MAD1L1: variants seen among roughly 807,000 people sequenced by gnomAD.
The protein encoded by MAD1L1 is mitotic arrest deficient 1 like 1.
MAD1L1 carries 95 observed loss-of-function variants against 96.9 expected under a neutral mutation model. The observed-to-expected ratio is 0.98, with a 90% confidence interval of 0.83 to 1.16. The LOEUF (loss-of-function observed/expected upper bound fraction) is 1.16, where lower values mean the gene tolerates loss of function less well. Among genes scored for constraint, MAD1L1 ranks in the 50% most tolerant of loss-of-function variants. MAD1L1 has a pLI of 0.00. For missense variants in MAD1L1, 1,007 were observed against 954.4 expected (o/e 1.06, Z -0.73); for synonymous variants, 473 against 396.6 (o/e 1.19, Z -2.29).
chr7:2,225,618 G>A, intron 3 of MAD1L1, 68 bp from the exon 4 acceptor site: 2 of 1,545,374 alleles, frequency 1.3e-6, no homozygotes, highest in Non-Finnish European at 1.8e-6. Context: ...GAGTGACTCA[G>A]TGCAGCAGAC....
intron 12 of MAD1L1, among the ~76,000 whole-genome samples, chr7:2,060,441 A>T (rs559702444): frequency 2.7e-5 from 4 of 149,790 alleles, no homozygotes; most frequent in Middle Eastern, 3.5e-3. Context: ...ATGCTGAGAT[A>T]ACGCCGATGC....
chr7:1,988,983 C>G (rs771491501), intron 14 of MAD1L1, among the ~76,000 whole-genome samples: 3 of 152,264 alleles, frequency 2.0e-5, no homozygotes, highest in Non-Finnish European at 4.4e-5. Flanking sequence ...GGCTGCCTCA[C>G]AGGAGCCCCT....
chr7:2,026,515 G>A (rs1406204313), intron 12 of MAD1L1, among the ~76,000 whole-genome samples: 1 of 152,166 alleles, frequency 6.6e-6, no homozygotes, highest in Non-Finnish European at 1.5e-5. Flanking sequence ...AGTGTGTATG[G>A]GCCATTTACA....
chr7:2,190,394 C>G (rs924392924), intron 10 of MAD1L1, among the ~76,000 whole-genome samples: 16 of 152,250 alleles, frequency 1.1e-4, no homozygotes, highest in African/African-American at 3.9e-4. Context: ...AAAGTTAAAG[C>G]TAGAAAGTTT....
chr7:1,818,461 C>G (rs1245464249), intron 18 of MAD1L1, among the ~76,000 whole-genome samples: 1 of 152,132 alleles, frequency 6.6e-6, no homozygotes, highest in South Asian at 2.1e-4. Context: ...ACGGGTCACT[C>G]AGCCTCGAGC....
At chr7:1,915,369 G>A (rs1318650643) in intron 17 of MAD1L1, among the ~76,000 whole-genome samples, 1 of 152,220 alleles carries the variant, frequency 6.6e-6, no homozygotes, top group Non-Finnish European at 1.5e-5. Flanking sequence ...GCACCTGGCT[G>A]GGAAGGAGAC....
chr7:1,978,766 C>T (rs565671757), intron 15 of MAD1L1, among the ~76,000 whole-genome samples: 19 of 152,272 alleles, frequency 1.2e-4, no homozygotes, highest in East Asian at 1.9e-4. Context: ...CCCAGGTCCC[C>T]GAGACATGGA....
intron 12 of MAD1L1, among the ~76,000 whole-genome samples, chr7:2,027,749 C>A (rs1159204234): frequency 6.6e-6 from 1 of 152,168 alleles, no homozygotes; most frequent in Non-Finnish European, 1.5e-5. Context: ...TTACTAAAGT[C>A]GTCAGCACGA....
chr7:1,837,736 C>G (rs532976056), intron 18 of MAD1L1, among the ~76,000 whole-genome samples: 1 of 152,322 alleles, frequency 6.6e-6, no homozygotes, highest in South Asian at 2.1e-4. Context: ...TGGATGAACC[C>G]GTGGTGACAG....
At chr7:1,869,402 C>T (rs1214091272) in intron 18 of MAD1L1, among the ~76,000 whole-genome samples, 1 of 152,078 alleles carries the variant, frequency 6.6e-6, no homozygotes, top group Admixed American at 6.5e-5. Context: ...GTCCAGGTTC[C>T]TAAACTCCCC....
chr7:1,889,383 G>A (rs73048106), intron 18 of MAD1L1, among the ~76,000 whole-genome samples: 3 of 152,132 alleles, frequency 2.0e-5, no homozygotes, highest in South Asian at 2.1e-4. Context: ...GCATCCTCAC[G>A]GGCACTCTTG....
intron 10 of MAD1L1, among the ~76,000 whole-genome samples, chr7:2,190,286 G>T (rs1791656994): frequency 6.6e-6 from 1 of 152,168 alleles, no homozygotes; most frequent in Non-Finnish European, 1.5e-5. Flanking sequence ...AGGTGCCAAG[G>T]AAATTCAAAT....
intron 7 of MAD1L1, among the ~76,000 whole-genome samples, chr7:2,216,962 G>T (rs564403534): frequency 1.4e-4 from 22 of 152,256 alleles, no homozygotes; most frequent in Non-Finnish European, 2.8e-4. Context: ...CGACCTCCCA[G>T]CCCTCCGCGT....
chr7:1,935,950 C>A (rs1282730021), intron 17 of MAD1L1, among the ~76,000 whole-genome samples: 2 of 152,214 alleles, frequency 1.3e-5, no homozygotes, highest in East Asian at 3.8e-4. Flanking sequence ...CCCAGGTCCC[C>A]CCAGAACCAG....
chr7:1,959,147 G>A (rs902725681), intron 15 of MAD1L1, among the ~76,000 whole-genome samples: 2 of 152,166 alleles, frequency 1.3e-5, no homozygotes, highest in Non-Finnish European at 2.9e-5. Flanking sequence ...AGCTCCTCAG[G>A]AGGCTGAGGC....
chr7:1,946,125 C>T (rs903491992), intron 16 of MAD1L1, among the ~76,000 whole-genome samples: 4 of 152,230 alleles, frequency 2.6e-5, no homozygotes, highest in Non-Finnish European at 4.4e-5. Flanking sequence ...GGCAAGATCA[C>T]TTCCTCCCAG....
chr7:2,050,183 G>A lies in MAD1L1; in HGVS notation c.1218+19011C>T, dbSNP rs56315739. 9.9e-3 allele frequency among the ~76,000 whole-genome samples: 611 copies of A among 61,456 alleles called. 3 individuals are homozygous for A. The highest frequency in any genetic ancestry group is 0.028 in the Middle Eastern group (2 of 72). 40.3% of individuals were successfully genotyped at this position (61,456 alleles called of 152,430 possible). A position where few individuals can be genotyped will look rare whatever the true frequency, so the allele number is the denominator to read the frequency against. Reference sequence around the variant, plus strand: ...ACACGTTCACGGGGCACCTCACCCAGCGTCTGCGGGCACCAGACCACACGT... The same window carrying A: ...ACACGTTCACGGGGCACCTCACCCAACGTCTGCGGGCACCAGACCACACGT... On this transcript the variant is annotated intron_variant, in intron 12 of 18. Transcript: ENST00000265854.
intron 12 of MAD1L1, among the ~76,000 whole-genome samples, chr7:2,057,531 AAAG>A (rs1238613895): frequency 1.3e-5 from 2 of 149,690 alleles, no homozygotes; most frequent in South Asian, 2.1e-4. Context: ...GCCCCCCCAA[AAAG>A]AAGAAGTTGG....
chr7:2,164,663 A>G (rs1790339678), intron 10 of MAD1L1, among the ~76,000 whole-genome samples: 1 of 152,004 alleles, frequency 6.6e-6, no homozygotes, highest in Admixed American at 6.6e-5. Context: ...AAAAAAATCA[A>G]TTGTAGAAAC....
Sources: gnomAD v4.1 joint callset for allele counts (sites outside exome capture counted in the v4.1 genomes callset) on GRCh38, gnomAD v4.1.1 for gene constraint, MANE v1.5 for transcripts, NCBI Gene and HGNC (gene_info 2026-07-23, HGNC 2026-07-21) for gene names.